The following INSR variants were observed in gnomAD, a reference collection of about 807,000 sequenced individuals.
The protein encoded by INSR is IR.
INSR carries 67 observed loss-of-function variants against 142.6 expected under a neutral mutation model. The ratio of observed to expected loss-of-function variants is 0.47; its 90% CI spans 0.39 to 0.58. The LOEUF (loss-of-function observed/expected upper bound fraction) is 0.58. Ranked by LOEUF, INSR falls within the 20% of genes least tolerant of loss-of-function variation. INSR has a pLI of 0.00. For synonymous variants in INSR, 756 were observed against 743.1 expected, an observed-to-expected ratio of 1.02 and a Z score of -0.28; for missense variants, 1,248 against 1,833.2, an observed-to-expected ratio of 0.68 and a Z score of 5.83.
rs114767508 is a variant in INSR at position 7,179,964 on chromosome 19, T to G, written c.974+4352A>C. On this transcript the variant is annotated intron_variant, in intron 3 of 21. Coordinates refer to ENST00000302850, the MANE Select transcript of INSR (RefSeq NM_000208.4). ...ATACAAGCTGAGGCTTGAAAAGCAC[T>G]TGAACATTGAGGTCTGCCCTTCCTG... 3.5e-3 allele frequency among the ~76,000 whole-genome samples: 526 copies of G among 152,300 alleles called. 6 individuals carry two copies. Among genetic ancestry groups the G allele is most frequent in the African/African-American group, 0.011 (459 of 41,556 alleles).
chr19:7,184,585 G>T lies in INSR; in HGVS notation c.705C>A (p.Cys235Ter). The T allele has an allele frequency of 6.2e-7, 1 of 1,613,494 alleles. No homozygotes were observed. Among genetic ancestry groups the T allele is most frequent in the Non-Finnish European group, 8.5e-7 (1 of 1,179,984 alleles). Residue 235 changes from cysteine (C) to a stop codon, truncating the protein, a stop_gained, in exon 3 of 22, where the codon TGC (cysteine) becomes TGA (stop). Transcript: ENST00000302850. LOFTEE classifies it high-confidence loss of function. ...AACAGTTGCCCAGGCACTCGCTGTG[G>T]CAACAGAGGCCTTCGGCGGTGCAGC... ...SHGCTAEGLC[C>*]HSECLGNCSQ...
chr19:7,152,980 T>TACAC (rs1219640798), intron 9 of INSR, 53 bp from the exon 10 acceptor site: 9 of 1,005,806 alleles, frequency 8.9e-6, no homozygotes, highest in East Asian at 5.2e-5. Context: ...TGAACACACA[T>TACAC]ACACACACAC....
At chr19:7,165,707 A>G (rs1973872935) in intron 8 of INSR, among the ~76,000 whole-genome samples, 1 of 151,886 alleles carries the variant, frequency 6.6e-6, no homozygotes, top group Admixed American at 6.6e-5. Context: ...TACAAGAAAT[A>G]CAAAAATTAG....
intron 9 of INSR, among the ~76,000 whole-genome samples, chr19:7,153,152 A>C (rs1304482474): frequency 5.9e-4 from 28 of 47,722 alleles, no homozygotes; most frequent in African/African-American, 1.2e-3. Flanking sequence ...ACACCACACA[A>C]CACACCACAC....
intron 11 of INSR, among the ~76,000 whole-genome samples, chr19:7,149,989 A>AAGGAAGGAAGGAAGGAAGGAAGGAAGG (rs1973293271): frequency 7.0e-6 from 1 of 142,142 alleles, no homozygotes; most frequent in African/African-American, 2.8e-5. Flanking sequence ...AGGAAGGAAG[A>AAGGAAGGAAGGAAGGAAGGAAGGAAGG]GATCCCTGAC....
At chr19:7,209,652 G>A (rs150123604) in intron 2 of INSR, among the ~76,000 whole-genome samples, 12 of 151,840 alleles carry the variant, frequency 7.9e-5, no homozygotes, top group African/African-American at 1.9e-4. Context: ...GGATTCAAGC[G>A]ATCCTCCCGT....
chr19:7,230,444 G>A (rs1351917168), intron 2 of INSR, among the ~76,000 whole-genome samples: 1 of 152,124 alleles, frequency 6.6e-6, no homozygotes. Flanking sequence ...ACCTGGTGAG[G>A]TCACTGAGGC....
At chr19:7,126,696 A>G (rs1487839178) in intron 15 of INSR, 45 bp from the exon 16 acceptor site, 1 of 1,526,086 alleles carries the variant, frequency 6.6e-7, no homozygotes, top group East Asian at 2.4e-5. Context: ...TTCTCATGGG[A>G]CTCTGCAGAA....
At chr19:7,144,886 C>G (rs919422672) in intron 11 of INSR, among the ~76,000 whole-genome samples, 3 of 152,064 alleles carry the variant, frequency 2.0e-5, no homozygotes, top group Non-Finnish European at 2.9e-5. Flanking sequence ...CTTGTGGTTG[C>G]ACCAGCAGGC....
intron 3 of INSR, among the ~76,000 whole-genome samples, chr19:7,183,066 A>G (rs1224490223): frequency 1.3e-5 from 2 of 152,154 alleles, no homozygotes; most frequent in Non-Finnish European, 2.9e-5. Context: ...ACAAACACTC[A>G]AAGAAAGAGT....
chr19:7,177,968 A>G (rs529674659), intron 3 of INSR, among the ~76,000 whole-genome samples: 1 of 152,168 alleles, frequency 6.6e-6, no homozygotes, highest in East Asian at 1.9e-4. Context: ...TGAGGAACTC[A>G]ATGAAGCATA....
At chr19:7,249,780 C>G (rs750948716) in intron 2 of INSR, among the ~76,000 whole-genome samples, 1 of 152,092 alleles carries the variant, frequency 6.6e-6, no homozygotes, top group African/African-American at 2.4e-5. Flanking sequence ...ATCACGAGGT[C>G]AGGAGATCGA....
intron 9 of INSR, among the ~76,000 whole-genome samples, chr19:7,161,938 T>C (rs1055765627): frequency 6.6e-6 from 1 of 152,030 alleles, no homozygotes; most frequent in Non-Finnish European, 1.5e-5. Flanking sequence ...ATCCCAGCGC[T>C]TTGGGAGGCT....
intron 2 of INSR, among the ~76,000 whole-genome samples, chr19:7,205,736 A>C (rs1975089590): frequency 1.3e-5 from 2 of 152,134 alleles, no homozygotes; most frequent in Non-Finnish European, 2.9e-5. Context: ...CAGATAATAC[A>C]AAAATTAGGT....
chr19:7,239,897 T>C (rs973353596), intron 2 of INSR, among the ~76,000 whole-genome samples: 21 of 152,074 alleles, frequency 1.4e-4, no homozygotes, highest in African/African-American at 5.1e-4. Context: ...CACAAAAATA[T>C]CATATGTGTG....
intron 2 of INSR, among the ~76,000 whole-genome samples, chr19:7,230,774 C>T (rs531586343): frequency 3.4e-5 from 5 of 145,856 alleles, no homozygotes; most frequent in African/African-American, 1.3e-4. Flanking sequence ...CACCACTGCA[C>T]TCCAGCCTGG....
intron 1 of INSR, among the ~76,000 whole-genome samples, chr19:7,277,819 C>T (rs1456355678): frequency 4.7e-5 from 7 of 148,820 alleles, no homozygotes; most frequent in East Asian, 4.0e-4. Context: ...AGGCCGGACA[C>T]GGTGGCTCAC....
At chr19:7,130,981 T>G (rs1054837355) in intron 14 of INSR, among the ~76,000 whole-genome samples, 1 of 114,402 alleles carries the variant, frequency 8.7e-6, no homozygotes, top group African/African-American at 4.2e-5. Context: ...CGGGTTCAAG[T>G]GATTCTCCTG....
rs138713377 is a variant in INSR at position 7,238,926 on chromosome 19, G to A, written c.652+28419C>T. ...GCGTTAGTTACAATGGCCAGAAGGC[G>A]GAAACAACCCAAATGTCCATCAACA... On this transcript the variant is annotated intron_variant, in intron 2 of 21. Transcript: ENST00000302850. Among the ~76,000 whole-genome samples, 53 of 113,264 alleles carry A rather than the reference G, an allele frequency of 4.7e-4. No homozygotes were observed. In the East Asian group the frequency reaches 0.01, roughly 22 times the overall value. The allele number at this position is 113,264 out of a possible 152,430, so 74.3% of individuals were successfully genotyped here.
Sources: gnomAD v4.1 joint callset for allele counts (sites outside exome capture counted in the v4.1 genomes callset) on GRCh38, gnomAD v4.1.1 for gene constraint, MANE v1.5 for transcripts, NCBI Gene and HGNC (gene_info 2026-07-23, HGNC 2026-07-21) for gene names.